The following NOS2 variants were observed in gnomAD, a reference collection of about 807,000 sequenced individuals.
The protein encoded by NOS2 is nitric oxide synthase 2.
Under a neutral mutation model 136.0 loss-of-function variants are expected in NOS2, and 96 were observed. That is an observed-to-expected ratio of 0.71 (90% CI 0.60 to 0.84). The LOEUF (loss-of-function observed/expected upper bound fraction) is 0.84, where lower values mean the gene tolerates loss of function less well. Ranked by LOEUF, NOS2 falls within the 40% of genes least tolerant of loss-of-function variation. NOS2 has a pLI of 0.00. For synonymous variants in NOS2, 539 were observed against 587.5 expected, an observed-to-expected ratio of 0.92 and a Z score of 1.20; for missense variants, 1,237 against 1,496.9, an observed-to-expected ratio of 0.83 and a Z score of 2.87.
chr17:27,787,865 G>A (rs372840941), intron 4 of NOS2, 39 bp from the exon 5 acceptor site: 6 of 1,570,564 alleles, frequency 3.8e-6, no homozygotes, highest in African/African-American at 1.4e-5. Flanking sequence ...TGGGCCATTC[G>A]GCCTCTTGCC....
At chr17:27,760,493 G>C (rs1214722263) in intron 24 of NOS2, 130 bp downstream of exon 24, 1 of 1,273,364 alleles carries the variant, frequency 7.9e-7, no homozygotes, top group African/African-American at 1.5e-5. Context: ...GCAGAGGCCC[G>C]CACAGGGAAG....
chr17:27,780,745 C>A, intron 9 of NOS2, 22 bp downstream of exon 9: 1 of 1,614,188 alleles, frequency 6.2e-7, no homozygotes, highest in South Asian at 1.1e-5. Context: ...GCCCTTGCCC[C>A]CAGCACCCTC....
At chr17:27,776,579 A>G (rs1908663702) in intron 11 of NOS2, among the ~76,000 whole-genome samples, 1 of 150,482 alleles carries the variant, frequency 6.6e-6, no homozygotes, top group African/African-American at 2.4e-5. Context: ...AGGCTGAGGC[A>G]GGAGAATTGC....
In NOS2 at chr17:27,774,008, T is replaced by C. The variant is rs1451372847; in HGVS notation, c.1476+249A>G. On this transcript the variant is annotated intron_variant, in intron 12 of 26. Coordinates refer to ENST00000313735, the MANE Select transcript of NOS2 (RefSeq NM_000625.4). Reference sequence around the variant, plus strand: ...TGCCGGGCCCTCCCGTGGAAGCAGGTGTAATGACAGACCCCCCATCTGAGC... The same window carrying C: ...TGCCGGGCCCTCCCGTGGAAGCAGGCGTAATGACAGACCCCCCATCTGAGC... 2.0e-5 allele frequency among the ~76,000 whole-genome samples: 3 copies of C among 152,100 alleles called. No homozygotes were observed. The South Asian group carries it at 6.2e-4, about 32-fold the overall frequency.
chr17:27,766,979 C>T (rs1443988885), intron 18 of NOS2, among the ~76,000 whole-genome samples: 9 of 127,616 alleles, frequency 7.1e-5, no homozygotes, highest in Admixed American at 3.0e-4. Flanking sequence ...CCAGCCTGGA[C>T]GACAGACCGA....
Position 27,798,891 on chromosome 17 carries a change from G to C in NOS2, c.-73-9C>G. The C allele has an allele frequency of 1.1e-6, 1 of 896,904 alleles. No individual in the cohort carries two copies. Among genetic ancestry groups the C allele is most frequent in the Non-Finnish European group, 1.9e-6 (1 of 534,646 alleles). 55.6% of individuals were successfully genotyped at this position (896,904 alleles called of 1,614,324 possible). On this transcript the variant is annotated splice_polypyrimidine_tract_variant and intron_variant, in intron 1 of 26. Transcript: ENST00000313735. ...TGTTCTTCACTGTGGGGCTGAAGAA[G>C]GGAAGCAGAGGTGAGGGAAGGTTGA...
Position 27,770,902 on chromosome 17 carries a change from A to C in NOS2, c.1809+11T>G. The C allele has an allele frequency of 6.2e-7, 1 of 1,609,244 alleles. No homozygotes were observed. Among genetic ancestry groups the C allele is most frequent in the Non-Finnish European group, 8.5e-7 (1 of 1,176,006 alleles). ...CCACCCCCTAGACCAGCCAGACCTC[A>C]AGCCACCCACCTCTCCATTGCCAGG... On this transcript the variant is annotated intron_variant, in intron 15 of 26. Coordinates refer to ENST00000313735, the MANE Select transcript of NOS2 (RefSeq NM_000625.4).
rs748448809 is a variant in NOS2 at position 27,789,621 on chromosome 17, G to C, written c.178C>G (p.Leu60Val). ...SKQQNESPQP[L>V]VETGKKSPES... is the part of the protein sequence containing the mutation. ...TCACTGACCTTTCCCGTCTCCACGA[G>C]GGGCTGCGGGGACTCATTCTGCTGC... The change falls in exon 3 of 27, where the codon CTC becomes GTC. Residue 60 changes from leucine (L) to valine (V), a missense_variant. Around this residue, in one of 3 missense-constraint regions of NOS2, gnomAD observed 440 missense variants for 545.4 expected, o/e 0.81. Transcript: ENST00000313735. 6.2e-7 allele frequency: 1 copy of C among 1,613,816 alleles called. No individual in the cohort carries two copies. The highest frequency in any genetic ancestry group is 8.5e-7 in the Non-Finnish European group (1 of 1,179,714).
intron 12 of NOS2, among the ~76,000 whole-genome samples, chr17:27,773,846 C>A (rs1373557621): frequency 6.6e-6 from 1 of 152,178 alleles, no homozygotes; most frequent in African/African-American, 2.4e-5. Context: ...GGAGTGAAGC[C>A]CATCCCTTTT....
chr17:27,779,039 T>G lies in NOS2; in HGVS notation c.1022A>C (p.Glu341Ala). Reference protein sequence around the residue: ...MEHPKYEWFRELELKWYALPA... With the variant: ...MEHPKYEWFRALELKWYALPA... ...CAGGGCGTACCACTTTAGCTCCAGT[T>G]CCCGAAACCACTCGTATCTGGCAAA... The change falls in exon 10 of 27, where the codon GAA (glutamate) becomes GCA (alanine). Residue 341 changes from glutamate (E) to alanine (A), a missense_variant. Glu to Ala is a moderately radical substitution (Grantham distance 107). This residue lies in a region of NOS2 where 440 missense variants were observed against 545.4 expected (regional missense o/e 0.81). Transcript: ENST00000313735. 1 of 1,535,174 alleles carries G rather than the reference T, an allele frequency of 6.5e-7. No individual in the cohort carries two copies. The highest frequency in any genetic ancestry group is 1.7e-4 in the Middle Eastern group (1 of 5,740).
At position 27,770,990 on chromosome 17, in the gene NOS2, T is replaced by G; in HGVS notation, c.1732A>C (p.Ser578Arg). ...KVVCMDKYRL[S>R]CLEEERLLLV... ...AGCAGCCGTTCCTCCTCCAGGCAGC[T>G]CAGCCTGTACTTATCCATGCAGACA... Residue 578 changes from serine to arginine, a missense_variant, in exon 15 of 27, where the codon AGC becomes CGC. This residue lies in a region of NOS2 where 782 missense variants were observed against 909.9 expected (regional missense o/e 0.86). Coordinates refer to ENST00000313735, the MANE Select transcript of NOS2 (RefSeq NM_000625.4). 1 of 1,614,034 alleles carries G rather than the reference T, an allele frequency of 6.2e-7. No individual in the cohort carries two copies.
intron 11 of NOS2, among the ~76,000 whole-genome samples, chr17:27,777,785 C>T (rs2151330378): frequency 6.6e-6 from 1 of 152,284 alleles, no homozygotes; most frequent in East Asian, 1.9e-4. Context: ...TGGCTTATGC[C>T]TATAATCCCA....
At chr17:27,796,426 G>C (rs1023905128) in intron 2 of NOS2, among the ~76,000 whole-genome samples, 1 of 152,154 alleles carries the variant, frequency 6.6e-6, no homozygotes, top group Admixed American at 6.5e-5. Context: ...CTACACTGAA[G>C]TCTGGGCAAC....
Position 27,757,358 on chromosome 17 carries a change from T to C in NOS2, c.3355-5A>G. ...TTCGTGATAGCGCTTCTGGCTCTTT[T>C]AGGTAAAAACAGAGAGCAACGTGTC... On this transcript the variant is annotated splice_region_variant and splice_polypyrimidine_tract_variant and intron_variant, in intron 26 of 26. Transcript: ENST00000313735. 1 of 1,613,750 alleles carries C rather than the reference T, an allele frequency of 6.2e-7. No homozygotes were observed. The highest frequency in any genetic ancestry group is 8.5e-7 in the Non-Finnish European group (1 of 1,179,796).
Position 27,779,075 on chromosome 17 carries a change from C to T in NOS2, c.1005-19G>A, listed in dbSNP as rs779479520. ...CTCGTATCTGGCAAAAAGGTAGACA[C>T]AATTTAACTGGGGCCTTCCTTATTT... On this transcript the variant is annotated intron_variant, in intron 9 of 26. Coordinates refer to ENST00000313735, the MANE Select transcript of NOS2 (RefSeq NM_000625.4). 2 of 1,433,302 alleles carry T rather than the reference C, an allele frequency of 1.4e-6. No individual in the cohort carries two copies. The highest frequency in any genetic ancestry group is 2.6e-5 in the Admixed American group (1 of 38,144). The allele number at this position is 1,433,302 out of a possible 1,614,324, so 88.8% of individuals were successfully genotyped here. A position where few individuals can be genotyped will look rare whatever the true frequency, so the allele number is the denominator to read the frequency against.
intron 5 of NOS2, among the ~76,000 whole-genome samples, chr17:27,783,388 G>A (rs1023973082): frequency 1.3e-5 from 2 of 152,156 alleles, no homozygotes; most frequent in Admixed American, 6.5e-5. Context: ...TACCTAGCCA[G>A]TCCTGAGCCC....
At chr17:27,771,409 C>T (rs1352615813) in intron 14 of NOS2, among the ~76,000 whole-genome samples, 5 of 152,220 alleles carry the variant, frequency 3.3e-5, no homozygotes, top group African/African-American at 1.2e-4. Flanking sequence ...GGGAAATGTG[C>T]CCTCATCTTG....
Position 27,798,715 on chromosome 17 carries a change from G to T in NOS2, c.95C>A (p.Pro32His). Residue 32 changes from proline (P) to histidine (H), a missense_variant, in exon 2 of 27, where the codon CCC becomes CAC. By Grantham distance (77) the Pro-to-His change is moderately conservative. Coordinates refer to ENST00000313735, the MANE Select transcript of NOS2 (RefSeq NM_000625.4). ...KDINNNVEKA[P>H]CATSSPVTQD... ...GAAAACTCACCTGGAGGTGGCACAG[G>T]GGGCTTTCTCCACATTGTTGTTGAT... The T allele has an allele frequency of 6.2e-7, 1 of 1,612,634 alleles. No homozygotes were observed. The highest frequency in any genetic ancestry group is 1.1e-5 in the South Asian group (1 of 91,052).
intron 24 of NOS2, 81 bp downstream of exon 24, chr17:27,760,542 C>T (rs1908085195): frequency 6.5e-7 from 1 of 1,537,906 alleles, no homozygotes; most frequent in Non-Finnish European, 8.8e-7. Flanking sequence ...GGTCAGGAAC[C>T]GTTTGTGGGG....
Sources: allele counts gnomAD v4.1 joint callset (sites outside exome capture counted in the v4.1 genomes callset), GRCh38; gene constraint gnomAD v4.1.1; regional missense constraint gnomAD v4.1.1; transcripts MANE v1.5; gene names NCBI Gene and HGNC (gene_info 2026-07-23, HGNC 2026-07-21).